Variants in EML6 observed in about 807,000 individuals in gnomAD.
EML6 encodes the protein echinoderm microtubule-associated protein-like 6.
EML6 carries 154 observed loss-of-function variants against 240.1 expected under a neutral mutation model. The observed-to-expected ratio is 0.64, with a 90% CI of 0.56 to 0.73. The LOEUF is 0.73. EML6 is among the 30% of genes least tolerant of loss of function. The pLI, the probability that EML6 is intolerant of heterozygous loss-of-function variation, is 0.00. For synonymous variants in EML6, 1,148 were observed against 899.0 expected (o/e 1.28, Z -4.95); for missense variants, 2,964 against 2,474.6 (o/e 1.20, Z -4.20).
intron 9 of EML6, among the ~76,000 whole-genome samples, chr2:54,847,891 A>T (rs551948863): frequency 1.3e-5 from 2 of 152,220 alleles, no homozygotes; most frequent in Non-Finnish European, 2.9e-5. Context: ...AGAAATAATC[A>T]TGTGTCATGT....
intron 6 of EML6, among the ~76,000 whole-genome samples, chr2:54,828,036 C>T (rs1300816344): frequency 1.3e-5 from 2 of 152,224 alleles, no homozygotes; most frequent in African/African-American, 4.8e-5. Flanking sequence ...CTTATAGGCA[C>T]TTCTCAAACT....
chr2:54,737,412 C>T (rs189975280), intron 2 of EML6, among the ~76,000 whole-genome samples: 414 of 152,284 alleles, frequency 2.7e-3, no homozygotes, highest in Non-Finnish European at 4.6e-3. Context: ...GATTCTTCTG[C>T]CTCAGCCTTC....
At chr2:54,826,361 G>C (rs906788851) in intron 5 of EML6, among the ~76,000 whole-genome samples, 2 of 152,230 alleles carry the variant, frequency 1.3e-5, no homozygotes, top group African/African-American at 2.4e-5. Context: ...GGTTTTGAGA[G>C]GCCAAGTGGG....
In EML6 at chr2:54,970,801, G is replaced by T. The variant is rs551493076; in HGVS notation, c.*706G>T. On this transcript the variant is annotated 3_prime_UTR_variant, in exon 42 of 42. Transcript: ENST00000356458. ...GGCTGCAGGACCCTTAGCAGATTCA[G>T]TGTGTCACCCTTGTCCTGTGTTCAC... 3 of 152,412 alleles carry T rather than the reference G, an allele frequency of 2.0e-5. No individual in the cohort carries two copies. The South Asian group carries it at 6.2e-4, about 32-fold the overall frequency. The allele number at this position is 152,412 out of a possible 1,614,324, so 9.4% of individuals were successfully genotyped here. A position where few individuals can be genotyped will look rare whatever the true frequency, so the allele number is the denominator to read the frequency against.
At chr2:54,908,453 A>G (rs1406944340) in intron 24 of EML6, among the ~76,000 whole-genome samples, 1 of 152,128 alleles carries the variant, frequency 6.6e-6, no homozygotes, top group Non-Finnish European at 1.5e-5. Context: ...ATTTTAAAGT[A>G]ATAATAACAG....
Position 54,952,674 on chromosome 2 carries a change from G to T in EML6, c.4294G>T (p.Val1432Leu), listed in dbSNP as rs1205316907. The part of the protein sequence containing the change: ...VNQHPKYRNV[V>L]ATSQIGTTPS... ...CCAGCACCCCAAGTACAGAAACGTG[G>T]TGGCCACCAGCCAGATAGGTAGGAG... The change falls in exon 31 of 42, where the codon GTG becomes TTG. Residue 1432 changes from valine (V) to leucine (L), a missense_variant. Coordinates refer to ENST00000356458, the MANE Select transcript of EML6 (RefSeq NM_001039753.4). 6.4e-7 allele frequency: 1 copy of T among 1,551,170 alleles called. No homozygotes were observed. Among genetic ancestry groups the T allele is most frequent in the Admixed American group, 2.0e-5 (1 of 51,006 alleles).
At chr2:54,843,499 T>G (rs1186599942) in intron 7 of EML6, among the ~76,000 whole-genome samples, 1 of 151,994 alleles carries the variant, frequency 6.6e-6, no homozygotes, top group East Asian at 1.9e-4. Flanking sequence ...AGCCACTCTT[T>G]TGCAAACTAG....
chr2:54,886,001 A>G (rs1441757398), intron 17 of EML6, among the ~76,000 whole-genome samples: 4 of 152,128 alleles, frequency 2.6e-5, no homozygotes, highest in Non-Finnish European at 4.4e-5. Flanking sequence ...GCCATAATGG[A>G]TCAAGAGACA....
intron 12 of EML6, among the ~76,000 whole-genome samples, chr2:54,862,751 A>G (rs1302398981): frequency 6.6e-6 from 1 of 152,240 alleles, no homozygotes; most frequent in African/African-American, 2.4e-5. Flanking sequence ...GCAGAGCATT[A>G]TAAGTAGTCA....
intron 12 of EML6, among the ~76,000 whole-genome samples, chr2:54,863,390 C>A (rs111582903): frequency 6.6e-6 from 1 of 152,136 alleles, no homozygotes; most frequent in South Asian, 2.1e-4. Context: ...CATGGTGGTA[C>A]GCATCTCTGT....
intron 2 of EML6, among the ~76,000 whole-genome samples, chr2:54,802,427 A>G (rs1305993996): frequency 6.6e-6 from 1 of 152,030 alleles, no homozygotes; most frequent in African/African-American, 2.4e-5. Context: ...GGAGTTTGAG[A>G]CAAGCCTGGT....
intron 29 of EML6, 86 bp from the exon 30 acceptor site, chr2:54,950,564 C>T (rs1346563529): frequency 2.7e-5 from 39 of 1,454,476 alleles, no homozygotes; most frequent in Non-Finnish European, 3.5e-5. Context: ...CTGGGACACA[C>T]GAGGCTGCTC....
chr2:54,853,633 T>C lies in EML6; in HGVS notation c.1445-10T>C. The C allele has an allele frequency of 6.7e-7, 1 of 1,489,766 alleles. No homozygotes were observed. Among genetic ancestry groups the C allele is most frequent in the Non-Finnish European group, 9.1e-7 (1 of 1,104,574 alleles). 92.3% of individuals were successfully genotyped at this position (1,489,766 alleles called of 1,614,324 possible). ...TATTTAAATGTAATGTTAATATTGA[T>C]TATTTTCAGCTGGGAAGCCTTTAAC... On this transcript the variant is annotated splice_polypyrimidine_tract_variant and intron_variant, in intron 10 of 41. Coordinates refer to ENST00000356458, the MANE Select transcript of EML6 (RefSeq NM_001039753.4).
chr2:54,889,983 C>A (rs1376490274), intron 17 of EML6, among the ~76,000 whole-genome samples: 3 of 152,216 alleles, frequency 2.0e-5, no homozygotes, highest in African/African-American at 7.2e-5. Context: ...TTGAATAAAT[C>A]TGGGTTTCTC....
intron 2 of EML6, among the ~76,000 whole-genome samples, chr2:54,788,595 T>C (rs1226995188): frequency 6.6e-6 from 1 of 152,160 alleles, no homozygotes; most frequent in African/African-American, 2.4e-5. Flanking sequence ...AGAGGAAAAT[T>C]GAAGCTTAGC....
At chr2:54,794,491 C>T (rs11897031) in intron 2 of EML6, among the ~76,000 whole-genome samples, 10,354 of 152,148 alleles carry the variant, frequency 0.068, 536 homozygotes, top group East Asian at 0.31. Context: ...AGGGACAGGA[C>T]GGGGAAGGGT....
chr2:54,839,081 G>A (rs772736025), intron 7 of EML6, among the ~76,000 whole-genome samples: 1 of 152,184 alleles, frequency 6.6e-6, no homozygotes, highest in Non-Finnish European at 1.5e-5. Context: ...GCCCAGCTGG[G>A]ACATCATGAT....
chr2:54,838,855 TCA>T (rs1361459987), intron 7 of EML6, among the ~76,000 whole-genome samples: 1 of 152,212 alleles, frequency 6.6e-6, no homozygotes, highest in East Asian at 1.9e-4. Context: ...CGCCTTCAGT[TCA>T]CAGTGTCAAA....
chr2:54,968,718 T>C lies in EML6; in HGVS notation c.5802T>C (p.Arg1934=), dbSNP rs1233998060. ...ACTCGGCTCACGTGACGAACATCCG[T>C]TTCTCTTATGATGACAAGTATGTGG... ...FGHSAHVTNI[R]FSYDDKYVVS... Residue 1934 remains arginine, a synonymous_variant, in exon 41 of 42, where the codon CGT becomes CGC. Coordinates refer to ENST00000356458, the MANE Select transcript of EML6 (RefSeq NM_001039753.4). 1 of 1,551,294 alleles carries C rather than the reference T, an allele frequency of 6.4e-7. No individual in the cohort carries two copies. The highest frequency in any genetic ancestry group is 1.4e-5 in the African/African-American group (1 of 73,012).
Sources: gnomAD v4.1 joint callset for allele counts (sites outside exome capture counted in the v4.1 genomes callset) on GRCh38, gnomAD v4.1.1 for gene constraint, MANE v1.5 for transcripts, NCBI Gene and HGNC (gene_info 2026-07-23, HGNC 2026-07-21) for gene names.